Variants in STXBP5L observed in about 807,000 individuals in gnomAD.
STXBP5L encodes the protein syntaxin-binding protein 5-like.
STXBP5L carries 65 observed loss-of-function variants against 144.5 expected under a neutral mutation model. The observed-to-expected ratio is 0.45, with a 90% confidence interval of 0.37 to 0.55. STXBP5L has a LOEUF of 0.55. Among genes scored for constraint, STXBP5L ranks in the 20% least tolerant of loss-of-function variants. The pLI, the probability that STXBP5L is intolerant of heterozygous loss-of-function variation, is 0.00. For synonymous variants in STXBP5L, 505 were observed against 469.6 expected, an observed-to-expected ratio of 1.08 and a Z score of -0.97; for missense variants, 1,298 against 1,405.5, an observed-to-expected ratio of 0.92 and a Z score of 1.22.
Position 121,041,769 on chromosome 3 carries a change from T to C in STXBP5L, c.357T>C (p.Phe119=). The C allele has an allele frequency of 6.2e-7, 1 of 1,612,294 alleles. No individual in the cohort carries two copies. Among genetic ancestry groups the C allele is most frequent in the East Asian group, 2.2e-5 (1 of 44,740 alleles). Residue 119 remains phenylalanine (F), a synonymous_variant, in exon 4 of 27, where the codon TTT becomes TTC. Coordinates refer to ENST00000471454, the MANE Select transcript of STXBP5L (RefSeq NM_001308330.2). ...GTGCAGCTGTCCTACAGCTCCAATT[T>C]TTGATCAATGAGGTAAGGATTATTT... The part of the protein sequence containing the change: ...ESGAAVLQLQ[F]LINEGALVSA...
chr3:121,357,719 A>G (rs1462011426), intron 20 of STXBP5L: 1 of 152,168 alleles, frequency 6.6e-6, no homozygotes, highest in African/African-American at 2.4e-5. Context: ...ACTGGCCAAG[A>G]CTGCTGCTGA....
chr3:121,186,055 A>T (rs933162857), intron 9 of STXBP5L, among the ~76,000 whole-genome samples: 3 of 152,074 alleles, frequency 2.0e-5, no homozygotes, highest in African/African-American at 7.2e-5. Context: ...TTCTCTTTGA[A>T]GCAATTGTGA....
chr3:121,119,888 A>C (rs980632670), intron 6 of STXBP5L, among the ~76,000 whole-genome samples: 5 of 151,278 alleles, frequency 3.3e-5, no homozygotes, highest in African/African-American at 1.2e-4. Flanking sequence ...ACGGAAGTTT[A>C]ATGTTAGATT....
rs572803267 is a variant in STXBP5L, at chr3:121,413,788, A to T, written c.3114+465A>T. Among the ~76,000 whole-genome samples, 38 of 152,354 alleles carry T rather than the reference A, an allele frequency of 2.5e-4. 2 individuals carry two copies. The South Asian group carries it at 7.7e-3, about 31-fold the overall frequency. On this transcript the variant is annotated intron_variant, in intron 24 of 26. Coordinates refer to ENST00000471454, the MANE Select transcript of STXBP5L (RefSeq NM_001308330.2). Reference sequence around the variant, plus strand: ...TTGTAGCAGTAAGCATAGCCTAGAAACAGGATAGATATAAATGTCTAACCT... The same window carrying T: ...TTGTAGCAGTAAGCATAGCCTAGAATCAGGATAGATATAAATGTCTAACCT...
At chr3:121,314,376 G>A (rs1361080894) in intron 19 of STXBP5L, among the ~76,000 whole-genome samples, 12 of 133,882 alleles carry the variant, frequency 9.0e-5, no homozygotes, top group Middle Eastern at 7.1e-3. Flanking sequence ...CGGATCACTC[G>A]CGGTTAGGAG....
intron 7 of STXBP5L, among the ~76,000 whole-genome samples, chr3:121,124,529 T>G (rs115534955): frequency 0.099 from 14,990 of 151,992 alleles, 1,168 homozygotes; most frequent in Admixed American, 0.2. Context: ...ATAAGTACCT[T>G]ATAGAATTTA....
intron 18 of STXBP5L, among the ~76,000 whole-genome samples, chr3:121,273,242 T>C (rs894373344): frequency 2.0e-5 from 3 of 152,084 alleles, no homozygotes; most frequent in Non-Finnish European, 4.4e-5. Context: ...TCTGTGAAAG[T>C]ATCTCTCCTT....
chr3:121,264,316 G>T (rs1253711447), intron 18 of STXBP5L, among the ~76,000 whole-genome samples: 1 of 151,604 alleles, frequency 6.6e-6, no homozygotes, highest in Non-Finnish European at 1.5e-5. Flanking sequence ...GGAAAGCTGA[G>T]GCAGATTCTT....
intron 7 of STXBP5L, among the ~76,000 whole-genome samples, chr3:121,138,512 A>G (rs1025591974): frequency 1.3e-5 from 2 of 152,188 alleles, no homozygotes; most frequent in Non-Finnish European, 2.9e-5. Context: ...AAAGTATACC[A>G]CAATGCTATA....
At chr3:120,990,862 A>G (rs1238154507) in intron 3 of STXBP5L, among the ~76,000 whole-genome samples, 2 of 152,228 alleles carry the variant, frequency 1.3e-5, no homozygotes, top group Admixed American at 6.5e-5. Flanking sequence ...TGTTAGACCT[A>G]AAACCATAAA....
chr3:121,251,077 C>T (rs1429904929), intron 15 of STXBP5L, among the ~76,000 whole-genome samples: 1 of 152,196 alleles, frequency 6.6e-6, no homozygotes, highest in Admixed American at 6.5e-5. Context: ...GAATTTCCTT[C>T]ACCCTCTACC....
Position 121,340,224 on chromosome 3 carries a change from C to CAACAGAGGA in STXBP5L, c.2176+21685_2176+21693dup, listed in dbSNP as rs1267684874. Reference sequence around the variant, plus strand: ...AGTAGATACGTAGACCAATAGAACACAACAGAGGATCCAGAAATACAGCCA... The same window carrying CAACAGAGGA: ...AGTAGATACGTAGACCAATAGAACACAACAGAGGAAACAGAGGATCCAGAAATACAGCCA... On this transcript the variant is annotated intron_variant, in intron 20 of 26. Transcript: ENST00000471454. 2.0e-5 allele frequency among the ~76,000 whole-genome samples: 3 copies of CAACAGAGGA among 152,140 alleles called. No homozygotes were observed. In the South Asian group the frequency reaches 6.2e-4, roughly 32 times the overall value.
At chr3:121,067,546 AC>A (rs1170693821) in intron 5 of STXBP5L, among the ~76,000 whole-genome samples, 7 of 152,298 alleles carry the variant, frequency 4.6e-5, no homozygotes, top group Admixed American at 4.6e-4. Flanking sequence ...CAGCACATGG[AC>A]AATTTTAGTA....
chr3:121,196,200 C>G (rs897991392), intron 9 of STXBP5L, among the ~76,000 whole-genome samples: 3 of 151,816 alleles, frequency 2.0e-5, no homozygotes, highest in African/African-American at 7.3e-5. Context: ...TTCTCTCTCA[C>G]CCAGGCTGGA....
Position 121,105,395 on chromosome 3 carries a change from A to AAAATAAATAAATAAAT in STXBP5L, c.471-9518_471-9503dup, listed in dbSNP as rs573583424. ...TGGCAACAGAGTGAGACTCTGTCTCAAAATAAATAAATAAATAAATAAATA... is the reference window on the plus strand; with the variant it reads ...TGGCAACAGAGTGAGACTCTGTCTCAAAATAAATAAATAAATAAATAAATAAATAAATAAATAAATA... On this transcript the variant is annotated intron_variant, in intron 5 of 26. Coordinates refer to ENST00000471454, the MANE Select transcript of STXBP5L (RefSeq NM_001308330.2). Among the ~76,000 whole-genome samples, 198 of 149,838 alleles carry AAAATAAATAAATAAAT rather than the reference A, an allele frequency of 1.3e-3. 1 individual carries two copies. Among genetic ancestry groups the AAAATAAATAAATAAAT allele is most frequent in the Admixed American group, 6.9e-3 (102 of 14,888 alleles).
At chr3:121,219,134 A>G (rs931990026) in intron 10 of STXBP5L, among the ~76,000 whole-genome samples, 1 of 152,156 alleles carries the variant, frequency 6.6e-6, no homozygotes, top group African/African-American at 2.4e-5. Context: ...ACATTAGTAC[A>G]TTGCTTCTGT....
At chr3:121,052,524 G>A (rs756975509) in intron 5 of STXBP5L, among the ~76,000 whole-genome samples, 1 of 152,088 alleles carries the variant, frequency 6.6e-6, no homozygotes, top group Non-Finnish European at 1.5e-5. Context: ...ATGCATAAAA[G>A]GCCTTTGACA....
intron 9 of STXBP5L, among the ~76,000 whole-genome samples, chr3:121,196,873 G>A (rs79542367): frequency 0.019 from 2,844 of 151,038 alleles, 36 homozygotes; most frequent in Middle Eastern, 0.042. Flanking sequence ...GATTGAGACA[G>A]GGTCTACCTA....
intron 3 of STXBP5L, among the ~76,000 whole-genome samples, chr3:121,000,598 T>C (rs1308838065): frequency 6.6e-6 from 1 of 152,226 alleles, no homozygotes; most frequent in African/African-American, 2.4e-5. Flanking sequence ...ATCCAGATCC[T>C]GAATTCTATG....
Sources: allele counts gnomAD v4.1 joint callset (sites outside exome capture counted in the v4.1 genomes callset), GRCh38; gene constraint gnomAD v4.1.1; transcripts MANE v1.5; gene names NCBI Gene and HGNC (gene_info 2026-07-23, HGNC 2026-07-21).